IGF2R: variants seen among roughly 807,000 people sequenced by gnomAD.
IGF2R encodes the protein insulin like growth factor 2 receptor, also known as cation-independent mannose-6-phosphate receptor.
IGF2R carries 91 observed loss-of-function variants against 270.6 expected under a neutral mutation model. The observed-to-expected ratio is 0.34, with a 90% confidence interval of 0.28 to 0.40. The LOEUF is 0.40. IGF2R is among the 10% of genes least tolerant of loss of function. The pLI is 1.00. For synonymous variants in IGF2R, 1,316 were observed against 1,258.9 expected (o/e 1.05, Z -0.96); for missense variants, 2,805 against 3,188.3 (o/e 0.88, Z 2.90).
intron 45 of IGF2R, among the ~76,000 whole-genome samples, chr6:160,099,268 G>A (rs1335880783): frequency 6.6e-6 from 1 of 152,150 alleles, no homozygotes; most frequent in African/African-American, 2.4e-5. Flanking sequence ...TCATCGATAG[G>A]TTCTTGGAAA....
rs1383268117 is a variant in IGF2R at position 160,061,939 on chromosome 6, A to G, written c.3582+11A>G. On this transcript the variant is annotated intron_variant, in intron 25 of 47. Transcript: ENST00000356956. ...TGTGCTCAGATATCGGTGTGTGTTC[A>G]GACCAGCAATGAGATGTTGTCCCCG... The G allele has an allele frequency of 6.2e-7, 1 of 1,612,656 alleles. No homozygotes were observed. Among genetic ancestry groups the G allele is most frequent in the South Asian group, 1.1e-5 (1 of 91,054 alleles).
At chr6:160,022,493 A>T (rs950934304) in intron 4 of IGF2R, among the ~76,000 whole-genome samples, 2 of 152,244 alleles carry the variant, frequency 1.3e-5, no homozygotes, top group South Asian at 2.1e-4. Flanking sequence ...CCATTAGTTC[A>T]TAGGTATGAG....
chr6:160,056,361 T>G, intron 19 of IGF2R, 63 bp from the exon 20 acceptor site: 1 of 1,122,528 alleles, frequency 8.9e-7, no homozygotes, highest in South Asian at 1.2e-5. Flanking sequence ...AGGCGAGTAT[T>G]CTTTTGGTTC....
At chr6:160,083,906 A>C in intron 39 of IGF2R, 44 bp from the exon 40 acceptor site, 1 of 1,312,964 alleles carries the variant, frequency 7.6e-7, no homozygotes, top group Non-Finnish European at 1.1e-6. Flanking sequence ...CTGCATAGAC[A>C]CAGTGACAGT....
intron 29 of IGF2R, among the ~76,000 whole-genome samples, chr6:160,065,814 G>GTATATATATATATATATATATA (rs59035193): frequency 2.2e-4 from 17 of 78,378 alleles, no homozygotes; most frequent in Admixed American, 8.2e-4. Flanking sequence ...GTGTGTGTGT[G>GTATATATATATATATATATATA]TATATATATA....
intron 4 of IGF2R, among the ~76,000 whole-genome samples, chr6:160,020,400 A>G (rs1777406237): frequency 6.6e-6 from 1 of 152,218 alleles, no homozygotes; most frequent in Non-Finnish European, 1.5e-5. Context: ...ATTCAATGCA[A>G]TTCCTATCAA....
intron 24 of IGF2R, 24 bp downstream of exon 24, chr6:160,061,670 T>C (rs764694444): frequency 1.2e-6 from 2 of 1,613,894 alleles, no homozygotes; most frequent in African/African-American, 2.7e-5. Context: ...GGTCTCTTGA[T>C]TGGCGTCTGT....
At chr6:160,020,067 C>G (rs1014220092) in intron 4 of IGF2R, among the ~76,000 whole-genome samples, 13 of 152,138 alleles carry the variant, frequency 8.5e-5, no homozygotes, top group African/African-American at 3.1e-4. Flanking sequence ...TCTAAAGTTT[C>G]CTCCAAAAGT....
Position 160,010,713 on chromosome 6 carries a change from AG to A in IGF2R, c.442del (p.Glu148AsnfsTer34). 6.2e-7 allele frequency: 1 copy of A among 1,609,464 alleles called. No homozygotes were observed. Among genetic ancestry groups the A allele is most frequent in the East Asian group, 2.2e-5 (1 of 44,860 alleles). ...LGTPEFVTATECVHYFEWRTT... is the reference protein window; with the variant it reads ...LGTPEFVTATXCVHYFEWRTT... ...GAACTCCTGAATTTGTAACTGCAACAGAATGTGTGCACTACTTTGAGTGGAG... is the reference window on the plus strand; with the variant it reads ...GAACTCCTGAATTTGTAACTGCAACAAATGTGTGCACTACTTTGAGTGGAG... On this transcript the variant is annotated frameshift_variant, in exon 4 of 48. Transcript: ENST00000356956. LOFTEE classifies it high-confidence loss of function.
intron 27 of IGF2R, among the ~76,000 whole-genome samples, chr6:160,064,132 G>A (rs1778503630): frequency 6.6e-6 from 1 of 152,224 alleles, no homozygotes; most frequent in Non-Finnish European, 1.5e-5. Flanking sequence ...GCACAGTGGA[G>A]AAAGTGACAT....
chr6:160,045,770 G>A lies in IGF2R; in HGVS notation c.1791G>A (p.Leu597=). 1 of 1,614,138 alleles carries A rather than the reference G, an allele frequency of 6.2e-7. No individual in the cohort carries two copies. Among genetic ancestry groups the A allele is most frequent in the Non-Finnish European group, 8.5e-7 (1 of 1,180,016 alleles). The stretch of plus-strand genomic sequence containing the variant: ...GTGATCTGGAAAGTGCACCAGTGTT[G>A]AGAACTTCTGGGGAAGGCGGTTGCT... ...KPGDLESAPV[L]RTSGEGGCFY... The change falls in exon 14 of 48, where the codon TTG becomes TTA. Residue 597 remains leucine, a synonymous_variant. Transcript: ENST00000356956.
intron 4 of IGF2R, among the ~76,000 whole-genome samples, chr6:160,018,467 G>A (rs184062407): frequency 1.6e-4 from 24 of 152,116 alleles, no homozygotes; most frequent in Non-Finnish European, 3.2e-4. Context: ...TCAGGACCAC[G>A]TAGACCTAAC....
At chr6:160,056,933 C>T (rs552087212) in intron 20 of IGF2R, among the ~76,000 whole-genome samples, 1 of 152,184 alleles carries the variant, frequency 6.6e-6, no homozygotes, top group Non-Finnish European at 1.5e-5. Context: ...TGACCCTATC[C>T]ATAGAGCACA....
intron 44 of IGF2R, among the ~76,000 whole-genome samples, chr6:160,090,694 T>C (rs929284063): frequency 6.6e-6 from 1 of 152,256 alleles, no homozygotes; most frequent in Non-Finnish European, 1.5e-5. Flanking sequence ...TAATTTGATT[T>C]TTGAACCGTG....
intron 1 of IGF2R, among the ~76,000 whole-genome samples, chr6:159,976,992 T>C (rs924175002): frequency 1.3e-5 from 2 of 152,234 alleles, no homozygotes; most frequent in Non-Finnish European, 2.9e-5. Context: ...TGGCTGCCGC[T>C]GTGGACAGGC....
intron 2 of IGF2R, among the ~76,000 whole-genome samples, chr6:159,992,782 G>A (rs748066657): frequency 1.3e-4 from 20 of 152,148 alleles, no homozygotes; most frequent in Admixed American, 5.2e-4. Context: ...ATTCAGTAGT[G>A]GGATTGCTGG....
intron 8 of IGF2R, 101 bp from the exon 9 acceptor site, chr6:160,032,841 T>G: frequency 7.2e-7 from 1 of 1,392,182 alleles, no homozygotes; most frequent in South Asian, 1.3e-5. Flanking sequence ...TTTGGGCTGG[T>G]GTTTCAGAAA....
chr6:160,025,016 G>A (rs1019647861), intron 5 of IGF2R, among the ~76,000 whole-genome samples: 27 of 152,226 alleles, frequency 1.8e-4, no homozygotes, highest in African/African-American at 6.5e-4. Flanking sequence ...TTCTCTGTGT[G>A]TGCCTGAATC....
intron 4 of IGF2R, among the ~76,000 whole-genome samples, chr6:160,018,573 A>AT (rs1163329597): frequency 1.3e-5 from 2 of 152,188 alleles, no homozygotes; most frequent in Non-Finnish European, 2.9e-5. Flanking sequence ...TGTCATACCA[A>AT]AAAACAAGTC....
Sources: gnomAD v4.1 joint callset for allele counts (sites outside exome capture counted in the v4.1 genomes callset) on GRCh38, gnomAD v4.1.1 for gene constraint, MANE v1.5 for transcripts, NCBI Gene and HGNC (gene_info 2026-07-23, HGNC 2026-07-21) for gene names.